WDR37: variants seen among roughly 807,000 people sequenced by gnomAD.
WDR37 encodes WD repeat-containing protein 37.
In WDR37, 19 loss-of-function variants were observed where a neutral mutation model predicts 62.9. The ratio of observed to expected loss-of-function variants is 0.30; its 90% CI spans 0.21 to 0.44. The LOEUF is 0.44. Among genes scored for constraint, WDR37 ranks in the 20% least tolerant of loss-of-function variants. The pLI, the probability that WDR37 is intolerant of heterozygous loss-of-function variation, is 1.00. For missense variants in WDR37, 474 were observed against 657.6 expected (o/e 0.72, Z 3.05); for synonymous variants, 250 against 260.9 (o/e 0.96, Z 0.40).
Position 1,077,425 on chromosome 10 carries a change from C to A in WDR37, c.139-482C>A, listed in dbSNP as rs55758242. Reference sequence around the variant, plus strand: ...CACAACACTCTTTTAGGTGTTATGTCGAGTGATGGGAGAGTGACTGTGCTT... The same window carrying A: ...CACAACACTCTTTTAGGTGTTATGTAGAGTGATGGGAGAGTGACTGTGCTT... On this transcript the variant is annotated intron_variant, in intron 2 of 13. Transcript: ENST00000263150. Among the ~76,000 whole-genome samples the A allele has an allele frequency of 8.8e-3, 1,344 of 152,066 alleles. 13 individuals are homozygous for A. Among genetic ancestry groups the A allele is most frequent in the African/African-American group, 0.021 (868 of 41,486 alleles).
chr10:1,109,921 AGTGT>A (rs1384431060), intron 11 of WDR37, among the ~76,000 whole-genome samples: 1 of 152,018 alleles, frequency 6.6e-6, no homozygotes, highest in Non-Finnish European at 1.5e-5. Flanking sequence ...AGTAAGGTGG[AGTGT>A]GTAATTCCCG....
chr10:1,089,285 C>T (rs1482018094), intron 7 of WDR37, among the ~76,000 whole-genome samples: 4 of 152,050 alleles, frequency 2.6e-5, no homozygotes, highest in South Asian at 2.1e-4. Flanking sequence ...CTGTCACGGC[C>T]GCTCACGTCT....
intron 7 of WDR37, among the ~76,000 whole-genome samples, chr10:1,092,898 A>G (rs1189143006): frequency 1.4e-5 from 2 of 146,572 alleles, no homozygotes; most frequent in Non-Finnish European, 3.0e-5. Flanking sequence ...AAAAAAAAAA[A>G]GAAGACCTCT....
chr10:1,066,963 C>T (rs907296575), intron 1 of WDR37, among the ~76,000 whole-genome samples: 4 of 152,272 alleles, frequency 2.6e-5, no homozygotes, highest in African/African-American at 7.2e-5. Flanking sequence ...GAGAACAGCA[C>T]GGGAAAGACC....
intron 1 of WDR37, among the ~76,000 whole-genome samples, chr10:1,061,053 T>C (rs1833356425): frequency 6.6e-6 from 1 of 152,206 alleles, no homozygotes; most frequent in Admixed American, 6.5e-5. Flanking sequence ...CCTTAAGTGA[T>C]GTATGACTGT....
At chr10:1,058,342 G>A (rs1833268533) in intron 1 of WDR37, among the ~76,000 whole-genome samples, 1 of 152,220 alleles carries the variant, frequency 6.6e-6, no homozygotes, top group South Asian at 2.1e-4. Context: ...GCAAAGTGCT[G>A]TATACAGGAG....
At chr10:1,063,949 A>T (rs1833456413) in intron 1 of WDR37, among the ~76,000 whole-genome samples, 2 of 152,190 alleles carry the variant, frequency 1.3e-5, no homozygotes, top group Admixed American at 6.5e-5. Context: ...CTCATAGGAA[A>T]ATCTCAACCT....
intron 4 of WDR37, 86 bp from the exon 5 acceptor site, chr10:1,080,326 T>G: frequency 6.4e-7 from 1 of 1,558,656 alleles, no homozygotes; most frequent in East Asian, 2.3e-5. Context: ...CCCCCTTTCT[T>G]CCTGTGCAAG....
intron 1 of WDR37, among the ~76,000 whole-genome samples, chr10:1,059,052 G>A (rs957429007): frequency 2.6e-5 from 4 of 152,182 alleles, no homozygotes; most frequent in African/African-American, 4.8e-5. Flanking sequence ...GTAATGTTTT[G>A]TGTTTTTTGT....
chr10:1,099,887 C>T (rs1196838932), intron 9 of WDR37, among the ~76,000 whole-genome samples: 22 of 126,204 alleles, frequency 1.7e-4, no homozygotes, highest in Admixed American at 6.6e-4. Context: ...GCGCTGATGG[C>T]GGGCGTGGTG....
intron 8 of WDR37, among the ~76,000 whole-genome samples, chr10:1,094,141 AT>A (rs1238139729): frequency 5.9e-5 from 9 of 152,022 alleles, no homozygotes; most frequent in African/African-American, 2.4e-5. Flanking sequence ...GGTCCTTATG[AT>A]TTTTCTGTAA....
chr10:1,078,049 A>G, intron 3 of WDR37, 46 bp downstream of exon 3: 2 of 1,434,154 alleles, frequency 1.4e-6, no homozygotes, highest in African/African-American at 1.4e-5. Context: ...TTACCTATCC[A>G]TAGTCAAATT....
intron 1 of WDR37, among the ~76,000 whole-genome samples, chr10:1,070,756 C>G (rs1833703369): frequency 6.6e-6 from 1 of 152,168 alleles, no homozygotes. Flanking sequence ...TAAGAATACT[C>G]TCTTCTATGT....
chr10:1,078,116 C>G, intron 3 of WDR37, 113 bp downstream of exon 3: 1 of 779,554 alleles, frequency 1.3e-6, no homozygotes, highest in South Asian at 2.3e-5. Context: ...CAAACTTAAA[C>G]TTATTTTAGT....
chr10:1,126,117 G>C (rs1244476858), intron 13 of WDR37, among the ~76,000 whole-genome samples: 1 of 152,192 alleles, frequency 6.6e-6, no homozygotes, highest in African/African-American at 2.4e-5. Context: ...AACTCCCCGG[G>C]GTCAGTGGCT....
intron 11 of WDR37, among the ~76,000 whole-genome samples, chr10:1,114,413 C>T (rs896078726): frequency 7.9e-5 from 12 of 152,194 alleles, no homozygotes; most frequent in Non-Finnish European, 1.3e-4. Context: ...CCATCAGCAT[C>T]GAGGCAGGAC....
At chr10:1,097,043 C>T (rs564650330) in intron 9 of WDR37, among the ~76,000 whole-genome samples, 1 of 152,204 alleles carries the variant, frequency 6.6e-6, no homozygotes, top group Non-Finnish European at 1.5e-5. Context: ...TGGCTGAGGA[C>T]TTGGCTGAGC....
Position 1,130,520 on chromosome 10 carries a change from C to T in WDR37, c.*1176C>T, listed in dbSNP as rs771482634. On this transcript the variant is annotated 3_prime_UTR_variant, in exon 14 of 14. Transcript: ENST00000263150. ...TGCTGAGTGAGCCTGGTGTTCTTGC[C>T]TTCTTGGAAATTACTGCTCACCTGG... 2 of 152,538 alleles carry T rather than the reference C, an allele frequency of 1.3e-5. No individual in the cohort carries two copies. The highest frequency in any genetic ancestry group is 6.5e-5 in the Admixed American group (1 of 15,270). 9.4% of individuals were successfully genotyped at this position (152,538 alleles called of 1,614,324 possible).
Position 1,103,895 on chromosome 10 carries a change from G to T in WDR37, c.961+59G>T, listed in dbSNP as rs1439568879. The T allele has an allele frequency of 1.3e-6, 2 of 1,537,680 alleles. No individual in the cohort carries two copies. Among genetic ancestry groups the T allele is most frequent in the Non-Finnish European group, 1.8e-6 (2 of 1,125,334 alleles). On this transcript the variant is annotated intron_variant, in intron 10 of 13. Transcript: ENST00000263150. The surrounding 1 kb of genome is among the most constrained non-coding windows in gnomAD (Gnocchi z 6.3). ...CTGTGCATGTTAGTTTATGTCCATG[G>T]GTTATGTCTGACCTTGCCACTTACT...
Sources: allele counts gnomAD v4.1 joint callset (sites outside exome capture counted in the v4.1 genomes callset), GRCh38; gene constraint gnomAD v4.1.1; non-coding constraint Gnocchi (gnomAD v3.1); transcripts MANE v1.5; gene names NCBI Gene and HGNC (gene_info 2026-07-23, HGNC 2026-07-21).